The following SGSM2 variants were observed in gnomAD, a reference collection of about 807,000 sequenced individuals.
The protein encoded by SGSM2 is small G protein signaling modulator 2, also known as RUN and TBC1 domain containing 1.
SGSM2 carries 89 observed loss-of-function variants against 126.6 expected under a neutral mutation model. The observed-to-expected ratio is 0.70, with a 90% CI of 0.59 to 0.84. The LOEUF (loss-of-function observed/expected upper bound fraction) is 0.84. Ranked by LOEUF, SGSM2 falls within the 40% of genes least tolerant of loss-of-function variation. The pLI is 0.00. For missense variants in SGSM2, 1,404 were observed against 1,416.6 expected (o/e 0.99, Z 0.14); for synonymous variants, 614 against 574.3 (o/e 1.07, Z -0.99).
intron 2 of SGSM2, among the ~76,000 whole-genome samples, chr17:2,347,606 C>T (rs1292941630): frequency 2.7e-5 from 4 of 150,736 alleles, no homozygotes; most frequent in African/African-American, 4.9e-5. Flanking sequence ...TATCTCCTGT[C>T]GCCCCCTCCC....
At chr17:2,340,866 G>A (rs1022565736) in intron 1 of SGSM2, among the ~76,000 whole-genome samples, 6 of 152,130 alleles carry the variant, frequency 3.9e-5, no homozygotes, top group African/African-American at 1.4e-4. Flanking sequence ...TTATAGTCGT[G>A]AGCCACCACG....
rs780864158 is a variant in SGSM2, at chr17:2,372,376, G to A, written c.1676G>A (p.Arg559Gln). Residue 559 changes from arginine to glutamine, a missense_variant, in exon 15 of 24, where the codon CGG becomes CAG. Coordinates refer to ENST00000268989, the MANE Select transcript of SGSM2 (RefSeq NM_014853.3). The surrounding 1 kb of genome is among the most constrained non-coding windows in gnomAD (Gnocchi z 6.0). ...CACTGCCGCCACCTGTCCACGGTGC[G>A]GACCCACCTGTCGGCGCTGGTGCAC... is the stretch of plus-strand genomic sequence containing the variant. ...LAHCRHLSTV[R>Q]THLSALVHHS... is the part of the protein sequence containing the mutation. 25 of 1,591,478 alleles carry A rather than the reference G, an allele frequency of 1.6e-5. No individual in the cohort carries two copies. Among genetic ancestry groups the A allele is most frequent in the South Asian group, 5.6e-5 (5 of 88,750 alleles).
chr17:2,352,385 G>A (rs1402583149), intron 2 of SGSM2, among the ~76,000 whole-genome samples: 2 of 152,238 alleles, frequency 1.3e-5, no homozygotes, highest in East Asian at 1.9e-4. Flanking sequence ...GGTTCTGTGT[G>A]GCAGCGGTGG....
In SGSM2 at chr17:2,361,644, G is replaced by T; in HGVS notation, c.141G>T (p.Val47=). The T allele has an allele frequency of 6.2e-7, 1 of 1,613,664 alleles. No homozygotes were observed. Among genetic ancestry groups the T allele is most frequent in the Non-Finnish European group, 8.5e-7 (1 of 1,179,948 alleles). ...TTTCCCTTTGTGGCCTAGGTGCAGT[G>T]GAGGCTTGCCTCTTGCATCAGCTGA... ...SSHIIALCGA[V]EACLLHQLRR... Residue 47 remains valine (V), a synonymous_variant, in exon 3 of 24, where the codon GTG becomes GTT. Transcript: ENST00000268989.
chr17:2,361,705 A>T lies in SGSM2; in HGVS notation c.202A>T (p.Met68Leu). 6.2e-7 allele frequency: 1 copy of T among 1,613,998 alleles called. No homozygotes were observed. The highest frequency in any genetic ancestry group is 8.5e-7 in the Non-Finnish European group (1 of 1,179,992). The change falls in exon 3 of 24, where the codon ATG (methionine) becomes TTG (leucine). Residue 68 changes from methionine to leucine, a missense_variant. Transcript: ENST00000268989. ...CGCTGGCTTCCTGCGCAGTGACAAG[A>T]TGGCAGCCCTGTTCACCAAGGTGGG... ...RAAGFLRSDK[M>L]AALFTKVGKT...
chr17:2,373,640 T>G, intron 17 of SGSM2, 127 bp downstream of exon 17: 1 of 793,926 alleles, frequency 1.3e-6, no homozygotes, highest in Non-Finnish European at 2.0e-6. Context: ...CTAAGGTGCC[T>G]GTGTCTCATT....
Position 2,352,846 on chromosome 17 carries a change from C to T in SGSM2, c.134-8791C>T, listed in dbSNP as rs57401276. On this transcript the variant is annotated intron_variant, in intron 2 of 23. Coordinates refer to ENST00000268989, the MANE Select transcript of SGSM2 (RefSeq NM_014853.3). ...AGGCTGGAGTGCAGTGGCGCGATCT[C>T]GGCTCACTGCAAGCTCTGCCTCCCG... is the stretch of plus-strand genomic sequence containing the variant. 3.8e-5 allele frequency among the ~76,000 whole-genome samples: 3 copies of T among 78,332 alleles called. 1 individual carries two copies. Among genetic ancestry groups the T allele is most frequent in the African/African-American group, 9.3e-5 (2 of 21,426 alleles). The allele number at this position is 78,332 out of a possible 152,430, so 51.4% of individuals were successfully genotyped here.
intron 17 of SGSM2, 107 bp from the exon 18 acceptor site, chr17:2,375,384 AG>A (rs2066082520): frequency 5.1e-6 from 7 of 1,368,874 alleles, no homozygotes; most frequent in African/African-American, 1.4e-5. Context: ...GTGGTGGGAG[AG>A]GGGGTGTGAA....
intron 21 of SGSM2, chr17:2,377,278 G>A (rs1217236450): frequency 1.9e-6 from 1 of 531,568 alleles, no homozygotes; most frequent in Non-Finnish European, 3.3e-6. Flanking sequence ...GAAGTCAGGA[G>A]TTTGAGACCA....
Position 2,375,578 on chromosome 17 carries a change from C to G in SGSM2, c.2187C>G (p.Pro729=), listed in dbSNP as rs61739394. ...SRPKPEQEAG[P]GTPGTAVVEQ... The stretch of plus-strand genomic sequence containing the variant: ...CAAAACCTGAGCAGGAAGCAGGACC[C>G]GGGACTCCGGGCACCGCCGTGGTGG... The change falls in exon 18 of 24, where the codon CCC becomes CCG. Residue 729 remains proline, a synonymous_variant. Coordinates refer to ENST00000268989, the MANE Select transcript of SGSM2 (RefSeq NM_014853.3). 1 of 1,613,850 alleles carries G rather than the reference C, an allele frequency of 6.2e-7. No individual in the cohort carries two copies. The highest frequency in any genetic ancestry group is 8.5e-7 in the Non-Finnish European group (1 of 1,180,008).
chr17:2,352,977 C>T lies in SGSM2; in HGVS notation c.134-8660C>T, dbSNP rs532178688. Among the ~76,000 whole-genome samples, 329 of 151,400 alleles carry T rather than the reference C, an allele frequency of 2.2e-3. 1 individual carries two copies. The highest frequency in any genetic ancestry group is 7.6e-3 in the African/African-American group (312 of 41,236). On this transcript the variant is annotated intron_variant, in intron 2 of 23. Coordinates refer to ENST00000268989, the MANE Select transcript of SGSM2 (RefSeq NM_014853.3). ...TATTTTTAGTAGAGACGGGGTTTCA[C>T]CATGTTAGCCAGGATGGTCTGGATC...
intron 2 of SGSM2, among the ~76,000 whole-genome samples, chr17:2,346,275 C>T (rs1036041171): frequency 6.6e-6 from 1 of 152,120 alleles, no homozygotes; most frequent in Non-Finnish European, 1.5e-5. Flanking sequence ...TTCAAGGGAC[C>T]CTTGTGTACT....
rs192516615 is a variant in SGSM2 at position 2,375,139 on chromosome 17, T to A, written c.2101-353T>A. 330 of 211,954 alleles carry A rather than the reference T, an allele frequency of 1.6e-3. 1 individual carries two copies. Among genetic ancestry groups the A allele is most frequent in the Admixed American group, 3.2e-3 (59 of 18,328 alleles). 13.1% of individuals were successfully genotyped at this position (211,954 alleles called of 1,614,324 possible). A position where few individuals can be genotyped will look rare whatever the true frequency, so the allele number is the denominator to read the frequency against. On this transcript the variant is annotated intron_variant, in intron 17 of 23. Transcript: ENST00000268989. ...CCACACCAAAACACTAAGGCCATTC[T>A]CCCGGTCTCATGACTTCAGGCGTTT...
chr17:2,361,957 TG>T, intron 3 of SGSM2, 151 bp from the exon 4 acceptor site: 1 of 1,297,480 alleles, frequency 7.7e-7, no homozygotes, highest in Non-Finnish European at 1.1e-6. Flanking sequence ...TGGTTCCTTG[TG>T]GGCACAAGGC....
chr17:2,373,231 A>G, intron 16 of SGSM2, 100 bp from the exon 17 acceptor site: 1 of 1,540,154 alleles, frequency 6.5e-7, no homozygotes, highest in Non-Finnish European at 8.8e-7. Context: ...GCCCGTCTTG[A>G]GTCTGAGACT....
In SGSM2 at chr17:2,375,686, G is replaced by A; in HGVS notation, c.2295G>A (p.Gln765=). 1 of 1,613,966 alleles carries A rather than the reference G, an allele frequency of 6.2e-7. No homozygotes were observed. The highest frequency in any genetic ancestry group is 8.5e-7 in the Non-Finnish European group (1 of 1,179,938). The change falls in exon 18 of 24, where the codon CAG becomes CAA. Residue 765 remains glutamine, a synonymous_variant. Coordinates refer to ENST00000268989, the MANE Select transcript of SGSM2 (RefSeq NM_014853.3). ...SRNYSVASGI[Q]SSLDEGQSVG... is the part of the protein sequence containing the mutation. ...ATTACTCCGTGGCCTCGGGCATCCAGTCAAGCCTAGATGAGGGGCAGAGCG... is the reference window on the plus strand; with the variant it reads ...ATTACTCCGTGGCCTCGGGCATCCAATCAAGCCTAGATGAGGGGCAGAGCG...
intron 22 of SGSM2, 96 bp from the exon 23 acceptor site, chr17:2,378,940 C>T (rs2066299961): frequency 1.4e-6 from 2 of 1,397,712 alleles, no homozygotes; most frequent in African/African-American, 3.4e-5. Flanking sequence ...GCCTCAGCCT[C>T]AGCCCCAGCC....
In SGSM2 at chr17:2,379,823, G is replaced by A. The variant is rs562048800; in HGVS notation, c.*303G>A. Reference sequence around the variant, plus strand: ...AGTAGCCCCACTGCCACCTGCAGCCGCAGCCTGGACTGCTGCCCACGAGTG... The same window carrying A: ...AGTAGCCCCACTGCCACCTGCAGCCACAGCCTGGACTGCTGCCCACGAGTG... On this transcript the variant is annotated 3_prime_UTR_variant, in exon 24 of 24. Coordinates refer to ENST00000268989, the MANE Select transcript of SGSM2 (RefSeq NM_014853.3). The A allele has an allele frequency of 2.2e-5, 29 of 1,320,250 alleles. No individual in the cohort carries two copies. The highest frequency in any genetic ancestry group is 8.8e-5 in the East Asian group (3 of 34,212). The allele number at this position is 1,320,250 out of a possible 1,614,324, so 81.8% of individuals were successfully genotyped here. A position where few individuals can be genotyped will look rare whatever the true frequency, so the allele number is the denominator to read the frequency against.
chr17:2,376,846 G>T (rs2066186382), intron 20 of SGSM2, 31 bp downstream of exon 20: 3 of 1,613,566 alleles, frequency 1.9e-6, no homozygotes, highest in Non-Finnish European at 2.5e-6. Context: ...GGACTGGGCT[G>T]CGTAAGCTGG....
Sources: gnomAD v4.1 joint callset for allele counts (sites outside exome capture counted in the v4.1 genomes callset) on GRCh38, gnomAD v4.1.1 for gene constraint, Gnocchi (gnomAD v3.1) non-coding constraint, MANE v1.5 for transcripts, NCBI Gene and HGNC (gene_info 2026-07-23, HGNC 2026-07-21) for gene names.